Variants in MTUS2 observed in about 807,000 individuals in gnomAD.
MTUS2 encodes the protein microtubule-associated tumor suppressor candidate 2.
Under a neutral mutation model 114.1 loss-of-function variants are expected in MTUS2, and 40 were observed. The observed-to-expected ratio is 0.35, with a 90% CI of 0.27 to 0.46. The LOEUF is 0.46. Ranked by LOEUF, MTUS2 falls within the 20% of genes least tolerant of loss-of-function variation. MTUS2 has a pLI of 1.00. For missense variants in MTUS2, 1,679 were observed against 1,705.4 expected (o/e 0.98, Z 0.27); for synonymous variants, 688 against 672.0 (o/e 1.02, Z -0.37).
intron 2 of MTUS2, among the ~76,000 whole-genome samples, chr13:28,889,437 T>C (rs1259589372): frequency 6.6e-6 from 1 of 152,224 alleles, no homozygotes; most frequent in African/African-American, 2.4e-5. Flanking sequence ...TCACAGACTT[T>C]GGTGAGCTAC....
At chr13:29,066,808 C>T (rs185462224) in intron 4 of MTUS2, among the ~76,000 whole-genome samples, 5 of 152,332 alleles carry the variant, frequency 3.3e-5, no homozygotes, top group South Asian at 2.1e-4. Flanking sequence ...GAGATGAATA[C>T]TTGATGGAGA....
intron 2 of MTUS2, among the ~76,000 whole-genome samples, chr13:28,850,086 A>T (rs925996444): frequency 3.9e-5 from 6 of 152,158 alleles, no homozygotes; most frequent in Admixed American, 3.9e-4. Flanking sequence ...CCTTTGGTTC[A>T]TCAGGGCCCA....
intron 2 of MTUS2, among the ~76,000 whole-genome samples, chr13:29,011,417 TA>T (rs1885840044): frequency 6.6e-6 from 1 of 152,188 alleles, no homozygotes; most frequent in African/African-American, 2.4e-5. Context: ...GCTACTCTTT[TA>T]AAAAATACTC....
At chr13:29,189,991 T>C (rs753242719) in intron 5 of MTUS2, among the ~76,000 whole-genome samples, 2 of 152,158 alleles carry the variant, frequency 1.3e-5, no homozygotes, top group Non-Finnish European at 2.9e-5. Context: ...TGATGATAGA[T>C]TGCTCTTCCC....
At position 29,331,045 on chromosome 13, in the gene MTUS2, A is replaced by C. The variant is rs145364267; in HGVS notation, c.2905+6334A>C. 4.7e-3 allele frequency among the ~76,000 whole-genome samples: 710 copies of C among 152,220 alleles called. 5 individuals carry two copies. The highest frequency in any genetic ancestry group is 6.0e-3 in the Non-Finnish European group (408 of 68,012). On this transcript the variant is annotated intron_variant, in intron 7 of 15. Coordinates refer to ENST00000612955, the MANE Select transcript of MTUS2 (RefSeq NM_001033602.4). ...TTTGGGCAGTATGGCCATTTTCATG[A>C]TACTGATTCTTTCTGTCCATGAGCA...
At chr13:28,972,582 GT>G (rs901448022) in intron 2 of MTUS2, among the ~76,000 whole-genome samples, 1 of 152,112 alleles carries the variant, frequency 6.6e-6, no homozygotes. Flanking sequence ...AGCCACTTAG[GT>G]TAGTTTTACC....
intron 5 of MTUS2, among the ~76,000 whole-genome samples, chr13:29,149,426 C>G (rs1428428874): frequency 2.6e-5 from 4 of 152,058 alleles, no homozygotes; most frequent in Non-Finnish European, 4.4e-5. Flanking sequence ...GGATATTAGT[C>G]CTTTGTCAGA....
chr13:28,872,554 C>T (rs1330155916), intron 2 of MTUS2, among the ~76,000 whole-genome samples: 1 of 152,100 alleles, frequency 6.6e-6, no homozygotes, highest in African/African-American at 2.4e-5. Context: ...GAGTCTCAGG[C>T]AGCTTCTCCA....
chr13:28,906,879 T>G (rs1880056538), intron 2 of MTUS2, among the ~76,000 whole-genome samples: 1 of 151,350 alleles, frequency 6.6e-6, no homozygotes, highest in Non-Finnish European at 1.5e-5. Flanking sequence ...AGGCCAACAT[T>G]CAGATTCAGG....
At position 29,466,595 on chromosome 13, in the gene MTUS2, G is replaced by A. The variant is rs556081256; in HGVS notation, c.3185-13555G>A. Among the ~76,000 whole-genome samples, 4 of 152,152 alleles carry A rather than the reference G, an allele frequency of 2.6e-5. No homozygotes were observed. The South Asian group carries it at 6.2e-4, about 24-fold the overall frequency. ...GAGTAATAAAGAAAGACAATCATAC[G>A]GCCAGGTGTGGTGGCTCACGCCTGT... On this transcript the variant is annotated intron_variant, in intron 9 of 15. Transcript: ENST00000612955.
chr13:29,045,755 T>G (rs1404849810), intron 4 of MTUS2, among the ~76,000 whole-genome samples: 1 of 152,216 alleles, frequency 6.6e-6, no homozygotes, highest in East Asian at 1.9e-4. Flanking sequence ...AAATGGTTAG[T>G]GCCTCCATCG....
intron 15 of MTUS2, 88 bp from the exon 16 acceptor site, chr13:29,502,905 T>G: frequency 7.4e-7 from 1 of 1,345,566 alleles, no homozygotes; most frequent in Admixed American, 1.9e-5. Context: ...CATCATGGCC[T>G]CCTCCCTTTG....
At chr13:28,839,159 C>G (rs971513875) in intron 1 of MTUS2, among the ~76,000 whole-genome samples, 1 of 152,106 alleles carries the variant, frequency 6.6e-6, no homozygotes, top group Admixed American at 6.6e-5. Context: ...TCTTTTCTAC[C>G]ACTAGCAACT....
intron 2 of MTUS2, among the ~76,000 whole-genome samples, chr13:28,909,417 G>C (rs900536703): frequency 3.2e-4 from 49 of 152,098 alleles, no homozygotes; most frequent in Admixed American, 3.1e-3. Context: ...TCCCTTGTAA[G>C]TTGGATTCGT....
At chr13:29,449,397 C>G (rs1278537529) in intron 9 of MTUS2, among the ~76,000 whole-genome samples, 4 of 151,942 alleles carry the variant, frequency 2.6e-5, no homozygotes, top group East Asian at 1.9e-4. Flanking sequence ...CATGGTTATC[C>G]AAAAAAATTA....
At chr13:29,109,095 T>C (rs1890782998) in intron 5 of MTUS2, among the ~76,000 whole-genome samples, 1 of 152,224 alleles carries the variant, frequency 6.6e-6, no homozygotes, top group Non-Finnish European at 1.5e-5. Flanking sequence ...ATTTATTTTT[T>C]GTTTTATTTT....
intron 2 of MTUS2, among the ~76,000 whole-genome samples, chr13:28,978,085 G>T (rs1032557512): frequency 6.6e-6 from 1 of 152,146 alleles, no homozygotes; most frequent in African/African-American, 2.4e-5. Context: ...CCAAATTAAA[G>T]AACTGTATTT....
At chr13:29,454,023 T>C (rs1353096777) in intron 9 of MTUS2, among the ~76,000 whole-genome samples, 3 of 152,260 alleles carry the variant, frequency 2.0e-5, no homozygotes, top group East Asian at 1.9e-4. Flanking sequence ...TGAACAAATA[T>C]ATAAACTGCA....
rs111881518 is a variant in MTUS2, at chr13:28,898,695, C to T, written c.-243+58845C>T. ...ACTTTCTCTTTCATTTTGAATGTCTCAATGGGAATCATTACTGCAAATAAA... is the reference window on the plus strand; with the variant it reads ...ACTTTCTCTTTCATTTTGAATGTCTTAATGGGAATCATTACTGCAAATAAA... On this transcript the variant is annotated intron_variant, in intron 2 of 15. Coordinates refer to ENST00000612955, the MANE Select transcript of MTUS2 (RefSeq NM_001033602.4). Among the ~76,000 whole-genome samples the T allele has an allele frequency of 2.7e-3, 412 of 152,266 alleles. 2 individuals are homozygous for T. The highest frequency in any genetic ancestry group is 8.4e-3 in the African/African-American group (349 of 41,544).
Sources: gnomAD v4.1 joint callset for allele counts (sites outside exome capture counted in the v4.1 genomes callset) on GRCh38, gnomAD v4.1.1 for gene constraint, MANE v1.5 for transcripts, NCBI Gene and HGNC (gene_info 2026-07-23, HGNC 2026-07-21) for gene names.